The following ANO1 variants were observed in gnomAD, a reference collection of about 807,000 sequenced individuals.
ANO1 encodes the protein anoctamin 1.
ANO1 carries 59 observed loss-of-function variants against 124.0 expected under a neutral mutation model. The observed-to-expected ratio is 0.48, with a 90% CI of 0.39 to 0.59. The LOEUF is 0.59. Among genes scored for constraint, ANO1 ranks in the 20% least tolerant of loss-of-function variants. ANO1 has a pLI of 0.00. For synonymous variants in ANO1, 529 were observed against 532.0 expected (o/e 0.99, Z 0.08); for missense variants, 1,059 against 1,328.0 (o/e 0.80, Z 3.15).
At chr11:69,989,724 G>A (rs1856118062) in intron 1 of ANO1, among the ~76,000 whole-genome samples, 1 of 152,182 alleles carries the variant, frequency 6.6e-6, no homozygotes, top group African/African-American at 2.4e-5. Flanking sequence ...AGGGGCAGAA[G>A]CCTGCTCAGA....
the ANO1 span, among the ~76,000 whole-genome samples, chr11:69,970,465 G>T: frequency 6.6e-6 from 1 of 152,232 alleles, no homozygotes; most frequent in South Asian, 2.1e-4. Context: ...AAAGGTTCGT[G>T]AACTGTGGTC....
chr11:70,111,166 TA>T (rs2045763995), intron 6 of ANO1: 1 of 457,060 alleles, frequency 2.2e-6, no homozygotes, highest in Non-Finnish European at 4.4e-6. Flanking sequence ...CCCTTCTAAG[TA>T]AAAGGCGGAA....
the ANO1 span, among the ~76,000 whole-genome samples, chr11:69,976,774 G>T: frequency 6.6e-6 from 1 of 152,180 alleles, no homozygotes; most frequent in Non-Finnish European, 1.5e-5. Flanking sequence ...CTGGATAAGA[G>T]GAATGCAGAG....
intron 1 of ANO1, among the ~76,000 whole-genome samples, chr11:70,027,375 C>T (rs1555003339): frequency 6.6e-6 from 1 of 152,186 alleles, no homozygotes; most frequent in African/African-American, 2.4e-5. Context: ...GCTCATGTAA[C>T]TTATTGAATA....
At chr11:70,104,223 G>C (rs540449439) in intron 4 of ANO1, 73 bp downstream of exon 4, 134 of 1,470,070 alleles carry the variant, frequency 9.1e-5, no homozygotes, top group Non-Finnish European at 1.1e-4. Flanking sequence ...CATGAGAAAT[G>C]CAGATTGATT....
chr11:70,175,938 T>C (rs1476861902), intron 22 of ANO1, among the ~76,000 whole-genome samples: 1 of 152,088 alleles, frequency 6.6e-6, no homozygotes. Context: ...TGTCAAATAT[T>C]TGAAGAGATT....
intron 11 of ANO1, among the ~76,000 whole-genome samples, chr11:70,133,659 G>A (rs1036964307): frequency 6.6e-6 from 1 of 152,216 alleles, no homozygotes; most frequent in Non-Finnish European, 1.5e-5. Flanking sequence ...GCTGCATTCG[G>A]GGCTGGTGTT....
At chr11:70,011,128 A>G (rs1856592498) in intron 1 of ANO1, among the ~76,000 whole-genome samples, 1 of 152,218 alleles carries the variant, frequency 6.6e-6, no homozygotes, top group Non-Finnish European at 1.5e-5. Flanking sequence ...TACTCTCACA[A>G]CATGCAGAAT....
intron 2 of ANO1, among the ~76,000 whole-genome samples, chr11:70,091,111 T>C (rs561887778): frequency 5.9e-5 from 9 of 152,152 alleles, no homozygotes; most frequent in Non-Finnish European, 2.9e-5. Context: ...GTCTGAAGTG[T>C]GTGTGGGCCC....
Position 70,179,997 on chromosome 11 carries a change from C to T in ANO1, c.2351-7C>T, listed in dbSNP as rs760766322. ...CTCTTTAAAACTGTGACTTCTTCTT[C>T]CCCCAGGAATCTGGTACAATATCCT... On this transcript the variant is annotated splice_polypyrimidine_tract_variant and splice_region_variant and intron_variant, in intron 22 of 25. Transcript: ENST00000355303. 2 of 1,611,884 alleles carry T rather than the reference C, an allele frequency of 1.2e-6. No homozygotes were observed. Among genetic ancestry groups the T allele is most frequent in the South Asian group, 2.2e-5 (2 of 91,022 alleles).
the ANO1 span, among the ~76,000 whole-genome samples, chr11:69,974,108 C>T: frequency 6.6e-6 from 1 of 151,926 alleles, no homozygotes; most frequent in Non-Finnish European, 1.5e-5. Flanking sequence ...CACCTGAGGA[C>T]AGGAGTTCGA....
intron 1 of ANO1, among the ~76,000 whole-genome samples, chr11:70,080,237 A>C (rs2044162464): frequency 6.6e-6 from 1 of 152,216 alleles, no homozygotes; most frequent in East Asian, 1.9e-4. Context: ...ACAGGCAAGG[A>C]GACTGAGGCC....
intron 1 of ANO1, among the ~76,000 whole-genome samples, chr11:70,061,075 G>A (rs959267237): frequency 2.6e-5 from 4 of 152,128 alleles, no homozygotes; most frequent in African/African-American, 9.7e-5. Flanking sequence ...TTTGGTGGTG[G>A]AGATTGGGGT....
intron 11 of ANO1, among the ~76,000 whole-genome samples, chr11:70,138,945 C>T (rs1167358511): frequency 2.0e-5 from 3 of 152,112 alleles, no homozygotes; most frequent in Non-Finnish European, 2.9e-5. Context: ...CCTCCACCCT[C>T]GAGTAGGCCT....
intron 5 of ANO1, among the ~76,000 whole-genome samples, chr11:70,106,202 G>A (rs533402521): frequency 4.6e-5 from 7 of 152,144 alleles, no homozygotes; most frequent in East Asian, 1.9e-4. Context: ...GCAAAGGCGC[G>A]TGGGTTGAGA....
intron 1 of ANO1, among the ~76,000 whole-genome samples, chr11:70,020,165 T>C (rs1337919907): frequency 2.0e-5 from 3 of 152,156 alleles, no homozygotes; most frequent in Non-Finnish European, 2.9e-5. Context: ...GATTGTTTAG[T>C]CCATGGGGTA....
At chr11:70,171,400 G>A (rs1442562563) in intron 22 of ANO1, among the ~76,000 whole-genome samples, 1 of 152,212 alleles carries the variant, frequency 6.6e-6, no homozygotes, top group African/African-American at 2.4e-5. Flanking sequence ...CAGAGCCAGG[G>A]CAAGACCAAC....
chr11:70,068,667 G>T (rs879998460), intron 1 of ANO1, among the ~76,000 whole-genome samples: 1 of 152,112 alleles, frequency 6.6e-6, no homozygotes, highest in Non-Finnish European at 1.5e-5. Context: ...TTAACTCCTG[G>T]GAGGAGGAGG....
chr11:69,971,296 T>C, the ANO1 span, among the ~76,000 whole-genome samples: 31 of 152,336 alleles, frequency 2.0e-4, no homozygotes, highest in African/African-American at 5.1e-4. Flanking sequence ...TGTGATTCTA[T>C]GTTCCACACA....
Sources: allele counts gnomAD v4.1 joint callset (sites outside exome capture counted in the v4.1 genomes callset), GRCh38; gene constraint gnomAD v4.1.1; transcripts MANE v1.5; gene names NCBI Gene and HGNC (gene_info 2026-07-23, HGNC 2026-07-21).